CPS1: variants seen among roughly 807,000 people sequenced by gnomAD.
The protein encoded by CPS1 is carbamoyl-phosphate synthase 1.
Under a neutral mutation model 174.6 loss-of-function variants are expected in CPS1, and 109 were observed. The observed-to-expected ratio is 0.62, with a 90% CI of 0.53 to 0.73. The LOEUF is 0.73. CPS1 is among the 30% of genes least tolerant of loss of function. The probability of loss-of-function intolerance (pLI) is 0.00; values close to 1 mark genes in which losing one functional copy is unlikely to be tolerated. For synonymous variants in CPS1, 637 were observed against 632.0 expected, an observed-to-expected ratio of 1.01 and a Z score of -0.12; for missense variants, 1,689 against 1,821.9, an observed-to-expected ratio of 0.93 and a Z score of 1.33.
Position 210,535,850 on chromosome 2 carries a change from T to C in CPS1, c.4-20869T>C, listed in dbSNP as rs2106006098. 1.5e-5 allele frequency among the ~76,000 whole-genome samples: 2 copies of C among 133,638 alleles called. 1 individual carries two copies. Among genetic ancestry groups the C allele is most frequent in the Middle Eastern group, 8.3e-3 (2 of 242 alleles). 87.7% of individuals were successfully genotyped at this position (133,638 alleles called of 152,430 possible). On this transcript the variant is annotated intron_variant, in intron 1 of 38. Coordinates refer to the CPS1 transcript ENST00000430249. ...TTTTTTTTTTTTTTTGATAATGACA[T>C]TGAAACTTCCTCATTATTGGGTAAA... is the stretch of plus-strand genomic sequence containing the variant.
At chr2:210,486,963 T>C (rs1694747162) in intron 1 of CPS1, among the ~76,000 whole-genome samples, 1 of 151,810 alleles carries the variant, frequency 6.6e-6, no homozygotes, top group Non-Finnish European at 1.5e-5. Context: ...GAACCAAGCC[T>C]AAAAACAGGA....
chr2:210,517,756 A>T (rs1454512972), intron 1 of CPS1, among the ~76,000 whole-genome samples: 5 of 151,880 alleles, frequency 3.3e-5, no homozygotes, highest in Non-Finnish European at 1.5e-5. Flanking sequence ...TTCCTAGAGG[A>T]ATGTGTGATA....
chr2:210,667,675 G>T lies in CPS1; in HGVS notation c.4003-511G>T, dbSNP rs190031099. 6.8e-3 allele frequency among the ~76,000 whole-genome samples: 1,028 copies of T among 152,274 alleles called. 10 individuals are homozygous for T. The highest frequency in any genetic ancestry group is 0.014 in the Middle Eastern group (4 of 294). ...CATGGAGTTATTAAATTTCTCAGAA[G>T]GCTGTCTCATAAGCTCTATGAAATG... On this transcript the variant is annotated intron_variant, in intron 33 of 37. Transcript: ENST00000233072.
chr2:210,551,555 G>T (rs1238600073), intron 1 of CPS1, among the ~76,000 whole-genome samples: 3 of 151,820 alleles, frequency 2.0e-5, no homozygotes, highest in Non-Finnish European at 4.4e-5. Flanking sequence ...TGCAAATGGG[G>T]TCTTATGAAT....
intron 12 of CPS1, among the ~76,000 whole-genome samples, 158 bp from the exon 13 acceptor site, chr2:210,595,327 TTA>T: frequency 1.3e-5 from 2 of 151,962 alleles, no homozygotes; most frequent in Middle Eastern, 6.8e-3. Flanking sequence ...ATGTTTTAAG[TTA>T]TTAGTCTTTT....
intron 16 of CPS1, among the ~76,000 whole-genome samples, chr2:210,604,476 C>G (rs1485896695): frequency 6.6e-6 from 1 of 151,814 alleles, no homozygotes; most frequent in Non-Finnish European, 1.5e-5. Context: ...TATAATTATG[C>G]TAATTCATAT....
intron 37 of CPS1, 48 bp downstream of exon 37, chr2:210,677,184 T>G: frequency 6.3e-7 from 1 of 1,587,092 alleles, no homozygotes; most frequent in Non-Finnish European, 8.7e-7. Context: ...TTTATTTCTG[T>G]GCCTCCCTTA....
chr2:210,540,024 A>G (rs912179719), intron 1 of CPS1, among the ~76,000 whole-genome samples: 3 of 152,200 alleles, frequency 2.0e-5, no homozygotes, highest in Admixed American at 1.3e-4. Flanking sequence ...GTGGAAATAA[A>G]GGACGCTGAT....
At chr2:210,639,826 A>G (rs1700160336) in intron 23 of CPS1, among the ~76,000 whole-genome samples, 170 bp from the exon 24 acceptor site, 1 of 152,194 alleles carries the variant, frequency 6.6e-6, no homozygotes, top group African/African-American at 2.4e-5. Context: ...TTTATAAATA[A>G]GTAGGGCTTG....
At chr2:210,675,043 A>T in intron 35 of CPS1, 82 bp downstream of exon 35, 1 of 1,051,522 alleles carries the variant, frequency 9.5e-7, no homozygotes, top group East Asian at 2.4e-5. Flanking sequence ...TTGGAAAAGA[A>T]ATAGCCCAAA....
At chr2:210,671,209 G>A (rs941860930) in intron 34 of CPS1, among the ~76,000 whole-genome samples, 1 of 152,152 alleles carries the variant, frequency 6.6e-6, no homozygotes, top group Non-Finnish European at 1.5e-5. Flanking sequence ...AGTGATGCTT[G>A]TGGAGTGGCA....
intron 1 of CPS1, among the ~76,000 whole-genome samples, chr2:210,529,480 A>G (rs1000855924): frequency 6.6e-6 from 1 of 151,898 alleles, no homozygotes; most frequent in Admixed American, 6.6e-5. Context: ...TTTTTCATTT[A>G]CCTTCTCTTG....
chr2:210,659,421 C>T (rs910778180), intron 31 of CPS1, among the ~76,000 whole-genome samples: 4 of 152,068 alleles, frequency 2.6e-5, no homozygotes, highest in African/African-American at 9.7e-5. Flanking sequence ...TCCTACCAGA[C>T]TCTGATTATC....
rs573630514 is a variant in CPS1, at chr2:210,563,495, C to G, written c.126+6636C>G. On this transcript the variant is annotated intron_variant, in intron 1 of 37. Coordinates refer to ENST00000233072, the MANE Select transcript of CPS1 (RefSeq NM_001875.5). The stretch of plus-strand genomic sequence containing the variant: ...TCAATGTGTTTCTTCCTCTTATAGT[C>G]CTGTAAGCTCCACATATACAAAAGC... 3.3e-5 allele frequency among the ~76,000 whole-genome samples: 5 copies of G among 152,244 alleles called. No individual in the cohort carries two copies. The East Asian group carries it at 9.7e-4, about 29-fold the overall frequency.
chr2:210,506,821 T>A (rs1460837644), intron 1 of CPS1, among the ~76,000 whole-genome samples: 1 of 152,012 alleles, frequency 6.6e-6, no homozygotes, highest in Non-Finnish European at 1.5e-5. Flanking sequence ...AAGAGAAGTT[T>A]AGAGAAAAAA....
chr2:210,587,396 G>A (rs1032891491), intron 6 of CPS1, among the ~76,000 whole-genome samples: 1 of 151,962 alleles, frequency 6.6e-6, no homozygotes, highest in South Asian at 2.1e-4. Context: ...TGCTTCTTGG[G>A]TTAATGCCTG....
intron 29 of CPS1, among the ~76,000 whole-genome samples, chr2:210,656,046 C>A (rs1228226789): frequency 6.6e-6 from 1 of 151,998 alleles, no homozygotes; most frequent in African/African-American, 2.4e-5. Context: ...TTCCTTTCGA[C>A]TCCTTCCTCT....
intron 19 of CPS1, 29 bp downstream of exon 19, chr2:210,608,588 T>A (rs1235773996): frequency 4.4e-6 from 7 of 1,603,206 alleles, no homozygotes; most frequent in Non-Finnish European, 6.0e-6. Context: ...ACGCTTTTCT[T>A]CTTGTTCTCA....
intron 13 of CPS1, among the ~76,000 whole-genome samples, chr2:210,597,598 T>G (rs1256958222): frequency 6.6e-6 from 1 of 151,864 alleles, no homozygotes; most frequent in Non-Finnish European, 1.5e-5. Context: ...AATAATAATT[T>G]CTATACTTTT....
Sources: allele counts gnomAD v4.1 joint callset (sites outside exome capture counted in the v4.1 genomes callset), GRCh38; gene constraint gnomAD v4.1.1; transcripts MANE v1.5; gene names NCBI Gene and HGNC (gene_info 2026-07-23, HGNC 2026-07-21).